Variants in ME3 observed in about 807,000 individuals in gnomAD.
ME3 encodes the protein malic enzyme 3.
A neutral mutation model predicts 68.9 loss-of-function variants in ME3; 48 were observed. The observed-to-expected ratio is 0.70, with a 90% CI of 0.55 to 0.89. ME3 has a LOEUF of 0.89. Ranked by LOEUF, ME3 falls within the 40% of genes least tolerant of loss-of-function variation. The pLI is 0.00. For synonymous variants in ME3, 320 were observed against 318.8 expected, an observed-to-expected ratio of 1.00 and a Z score of -0.04; for missense variants, 675 against 797.4, an observed-to-expected ratio of 0.85 and a Z score of 1.85.
At chr11:86,478,345 AAAAAG>A (rs1156836088) in intron 7 of ME3, among the ~76,000 whole-genome samples, 2 of 151,948 alleles carry the variant, frequency 1.3e-5, no homozygotes, top group Non-Finnish European at 2.9e-5. Context: ...AAAAAAAAAA[AAAAAG>A]GTTAAAGAAA....
chr11:86,448,670 A>T (rs534767831), intron 10 of ME3, among the ~76,000 whole-genome samples: 1 of 152,320 alleles, frequency 6.6e-6, no homozygotes, highest in East Asian at 1.9e-4. Flanking sequence ...TAATTTGAAT[A>T]TGCTTATAAG....
chr11:86,633,697 G>A (rs1033340119), intron 2 of ME3, among the ~76,000 whole-genome samples: 1 of 152,180 alleles, frequency 6.6e-6, no homozygotes, highest in African/African-American at 2.4e-5. Flanking sequence ...TAGGCCAGAG[G>A]GCAACAGAGG....
intron 2 of ME3, 185 bp downstream of exon 2, chr11:86,671,577 A>G (rs1946944887): frequency 3.1e-6 from 2 of 645,264 alleles, no homozygotes; most frequent in Non-Finnish European, 5.1e-6. Context: ...GCCTCTCTCC[A>G]CGCATAAAAG....
At chr11:86,602,195 C>T (rs1960806069) in intron 2 of ME3, among the ~76,000 whole-genome samples, 1 of 150,076 alleles carries the variant, frequency 6.7e-6, no homozygotes, top group Non-Finnish European at 1.5e-5. Flanking sequence ...GATTGTATAT[C>T]TAGAAAACCC....
chr11:86,545,565 T>C (rs980911717), intron 4 of ME3, among the ~76,000 whole-genome samples: 2 of 152,132 alleles, frequency 1.3e-5, no homozygotes, highest in East Asian at 1.9e-4. Context: ...CCATTCATAA[T>C]TGCTACAAAG....
At chr11:86,499,861 T>C (rs1952604549) in intron 5 of ME3, among the ~76,000 whole-genome samples, 1 of 152,136 alleles carries the variant, frequency 6.6e-6, no homozygotes, top group African/African-American at 2.4e-5. Flanking sequence ...AGACCTTTAT[T>C]TTCTCCATAT....
At chr11:86,513,742 T>C (rs1434958892) in intron 4 of ME3, among the ~76,000 whole-genome samples, 1 of 152,196 alleles carries the variant, frequency 6.6e-6, no homozygotes, top group African/African-American at 2.4e-5. Flanking sequence ...AGTCAGAACC[T>C]TGCCCATCCT....
chr11:86,472,730 A>G (rs1441972508), intron 7 of ME3, among the ~76,000 whole-genome samples: 1 of 152,200 alleles, frequency 6.6e-6, no homozygotes, highest in Non-Finnish European at 1.5e-5. Context: ...GAGATAATGT[A>G]CATAAAAATC....
At chr11:86,562,006 C>G (rs1957261223) in intron 2 of ME3, among the ~76,000 whole-genome samples, 1 of 152,184 alleles carries the variant, frequency 6.6e-6, no homozygotes, top group Non-Finnish European at 1.5e-5. Context: ...TGTCATGCAT[C>G]TACCATGACA....
intron 2 of ME3, among the ~76,000 whole-genome samples, chr11:86,573,428 C>CA (rs1554985545): frequency 4.2e-5 from 6 of 142,970 alleles, no homozygotes; most frequent in African/African-American, 1.5e-4. Context: ...ACATTTTAGT[C>CA]TTTTTTTTTT....
intron 4 of ME3, among the ~76,000 whole-genome samples, chr11:86,540,867 A>T (rs1223082422): frequency 6.6e-6 from 1 of 152,216 alleles, no homozygotes; most frequent in Non-Finnish European, 1.5e-5. Context: ...GAATAGGAAC[A>T]GCTCCAGTCT....
At chr11:86,515,379 G>A (rs2139143621) in intron 4 of ME3, among the ~76,000 whole-genome samples, 1 of 152,278 alleles carries the variant, frequency 6.6e-6, no homozygotes, top group African/African-American at 2.4e-5. Context: ...GAGATTAAGA[G>A]GTAGATCTGT....
At chr11:86,509,098 C>A (rs597296) in intron 4 of ME3, among the ~76,000 whole-genome samples, 137,488 of 152,200 alleles carry the variant, frequency 0.9, 62,368 homozygotes, top group Non-Finnish European at 0.95. Flanking sequence ...CCACATGGAG[C>A]CTGTGCTCCC....
At chr11:86,540,050 C>A (rs1468202833) in intron 4 of ME3, among the ~76,000 whole-genome samples, 5 of 152,132 alleles carry the variant, frequency 3.3e-5, no homozygotes, top group Non-Finnish European at 5.9e-5. Context: ...GCAGATGCAC[C>A]TGAATGTCTT....
intron 4 of ME3, among the ~76,000 whole-genome samples, chr11:86,518,963 T>A (rs192274024): frequency 1.1e-4 from 17 of 152,164 alleles, no homozygotes; most frequent in African/African-American, 3.9e-4. Context: ...CGGCAAGGAG[T>A]GTCCCCCACA....
intron 2 of ME3, among the ~76,000 whole-genome samples, chr11:86,598,595 CAGTGGTTCTCCCAGCATGCAGCTGGAG>C (rs1347619162): frequency 4.3e-4 from 65 of 152,304 alleles, no homozygotes; most frequent in African/African-American, 1.5e-3. Context: ...TTGAGGAGAG[CAGTGGTTCTCCCAGCATGCAGCTGGAG>C]ATCTGAGAAT....
chr11:86,570,099 A>G (rs1186316218), intron 2 of ME3, among the ~76,000 whole-genome samples: 2 of 152,196 alleles, frequency 1.3e-5, no homozygotes, highest in African/African-American at 4.8e-5. Context: ...CCCACGGCAC[A>G]CACACAGCCA....
chr11:86,601,065 A>T (rs1960561589), intron 2 of ME3, among the ~76,000 whole-genome samples: 1 of 152,184 alleles, frequency 6.6e-6, no homozygotes, highest in East Asian at 1.9e-4. Flanking sequence ...GAGCAAACAC[A>T]TTCAAAAGCT....
chr11:86,646,141 C>A (rs192218709), intron 2 of ME3, among the ~76,000 whole-genome samples: 1 of 152,334 alleles, frequency 6.6e-6, no homozygotes, highest in East Asian at 1.9e-4. Flanking sequence ...CAGAATGCTT[C>A]TTCTCCTCAA....
Sources: allele counts gnomAD v4.1 joint callset (sites outside exome capture counted in the v4.1 genomes callset), GRCh38; gene constraint gnomAD v4.1.1; transcripts MANE v1.5; gene names NCBI Gene and HGNC (gene_info 2026-07-23, HGNC 2026-07-21).